GREB1L: variants seen among roughly 807,000 people sequenced by gnomAD.
GREB1L encodes GREB1-like protein.
A neutral mutation model predicts 200.8 loss-of-function variants in GREB1L; 17 were observed. The observed-to-expected ratio is 0.08, with a 90% CI of 0.06 to 0.13. The LOEUF is 0.13. Ranked by LOEUF, GREB1L falls within the 10% of genes least tolerant of loss-of-function variation. The probability of loss-of-function intolerance (pLI) is 1.00; values close to 1 mark genes in which losing one functional copy is unlikely to be tolerated. For synonymous variants in GREB1L, 789 were observed against 893.0 expected (o/e 0.88, Z 2.08); for missense variants, 1,657 against 2,367.7 (o/e 0.70, Z 6.23).
chr18:21,485,970 T>C (rs1181665851), intron 18 of GREB1L, among the ~76,000 whole-genome samples: 1 of 152,166 alleles, frequency 6.6e-6, no homozygotes, highest in African/African-American at 2.4e-5. Context: ...AAGTGGGCCA[T>C]TGCACTACTT....
At chr18:21,461,104 A>G (rs533226306) in intron 15 of GREB1L, among the ~76,000 whole-genome samples, 2 of 150,956 alleles carry the variant, frequency 1.3e-5, no homozygotes, top group South Asian at 2.1e-4. Context: ...CTCAAAAAAA[A>G]AAAAAGAAAA....
chr18:21,471,095 A>C (rs943347494), intron 15 of GREB1L, among the ~76,000 whole-genome samples: 5 of 152,216 alleles, frequency 3.3e-5, no homozygotes, highest in Middle Eastern at 3.2e-3. Flanking sequence ...TTGTTTTTCC[A>C]GTAAGGGAAT....
chr18:21,343,891 T>G (rs2039304745), intron 1 of GREB1L, among the ~76,000 whole-genome samples: 1 of 152,004 alleles, frequency 6.6e-6, no homozygotes, highest in South Asian at 2.1e-4. Flanking sequence ...ATGTCCCACC[T>G]CAGCTTCCCG....
At chr18:21,426,499 C>A (rs548478596) in intron 7 of GREB1L, among the ~76,000 whole-genome samples, 1 of 152,306 alleles carries the variant, frequency 6.6e-6, no homozygotes, top group South Asian at 2.1e-4. Context: ...TGTCAAATTT[C>A]ATTTGCCCAT....
intron 23 of GREB1L, among the ~76,000 whole-genome samples, chr18:21,505,191 T>C (rs2036963775): frequency 6.6e-6 from 1 of 152,202 alleles, no homozygotes; most frequent in Admixed American, 6.5e-5. Flanking sequence ...AGTTTGTGAA[T>C]TGGGTCTGCA....
intron 2 of GREB1L, among the ~76,000 whole-genome samples, chr18:21,379,802 C>T (rs1251915456): frequency 6.6e-6 from 1 of 152,110 alleles, no homozygotes; most frequent in Non-Finnish European, 1.5e-5. Flanking sequence ...TGTGGTGCTG[C>T]TGAAAAGTAA....
At chr18:21,432,327 A>G (rs1422675111) in intron 7 of GREB1L, among the ~76,000 whole-genome samples, 1 of 152,024 alleles carries the variant, frequency 6.6e-6, no homozygotes, top group Non-Finnish European at 1.5e-5. Flanking sequence ...ATTTTTTGTA[A>G]CTGAATTTAT....
chr18:21,279,777 C>CCA (rs2038237107), intron 1 of GREB1L, among the ~76,000 whole-genome samples: 2 of 152,324 alleles, frequency 1.3e-5, no homozygotes, highest in East Asian at 3.9e-4. Context: ...ATGAGAGTAG[C>CCA]TGGGACTACA....
intron 7 of GREB1L, 58 bp downstream of exon 7, chr18:21,404,052 T>C: frequency 7.1e-7 from 1 of 1,406,886 alleles, no homozygotes; most frequent in Non-Finnish European, 9.8e-7. Context: ...ATGAGACTTT[T>C]TAAAATATAT....
At position 21,326,898 on chromosome 18, in the gene GREB1L, C is replaced by A. The variant is rs73432757; in HGVS notation, c.-119-39129C>A. ...CTCATTTCCCATTTGGCACATGAAGCCTTTTGGTAGATGTCTGCTCTTCTT... is the reference window on the plus strand; with the variant it reads ...CTCATTTCCCATTTGGCACATGAAGACTTTTGGTAGATGTCTGCTCTTCTT... On this transcript the variant is annotated intron_variant, in intron 1 of 32. Transcript: ENST00000424526. Among the ~76,000 whole-genome samples, 1,146 of 152,232 alleles carry A rather than the reference C, an allele frequency of 7.5e-3. 19 individuals are homozygous for A. Among genetic ancestry groups the A allele is most frequent in the African/African-American group, 0.027 (1,105 of 41,524 alleles).
At chr18:21,492,008 A>G (rs1468482555) in intron 19 of GREB1L, among the ~76,000 whole-genome samples, 1 of 152,104 alleles carries the variant, frequency 6.6e-6, no homozygotes, top group Non-Finnish European at 1.5e-5. Flanking sequence ...TAATTCATGG[A>G]GACATGAATT....
At chr18:21,457,843 T>C (rs190574100) in intron 15 of GREB1L, among the ~76,000 whole-genome samples, 1 of 152,268 alleles carries the variant, frequency 6.6e-6, no homozygotes, top group African/African-American at 2.4e-5. Flanking sequence ...AAATCATAGC[T>C]GTTAAAACAG....
At chr18:21,329,056 C>T (rs1456579269) in intron 1 of GREB1L, among the ~76,000 whole-genome samples, 1 of 152,110 alleles carries the variant, frequency 6.6e-6, no homozygotes, top group Non-Finnish European at 1.5e-5. Flanking sequence ...GGCACAGTGG[C>T]TCACACCTTG....
rs568080090 is a variant in GREB1L, at chr18:21,446,113, C to G, written c.1393+1704C>G. On this transcript the variant is annotated intron_variant, in intron 11 of 32. Transcript: ENST00000424526. Reference sequence around the variant, plus strand: ...GATCTCGACTCACTGCAACCACCACCTCCCATGTTCAAGCAATTCTCATGT... The same window carrying G: ...GATCTCGACTCACTGCAACCACCACGTCCCATGTTCAAGCAATTCTCATGT... Among the ~76,000 whole-genome samples, 6 of 152,308 alleles carry G rather than the reference C, an allele frequency of 3.9e-5. No individual in the cohort carries two copies. The South Asian group carries it at 1.2e-3, about 32-fold the overall frequency.
chr18:21,392,108 C>A (rs1167530088), intron 4 of GREB1L, among the ~76,000 whole-genome samples: 2 of 152,232 alleles, frequency 1.3e-5, no homozygotes, highest in Admixed American at 1.3e-4. Context: ...TTGCACCTGG[C>A]CTACTTAGAT....
At chr18:21,515,932 G>A (rs1020024371) in intron 29 of GREB1L, among the ~76,000 whole-genome samples, 2 of 152,104 alleles carry the variant, frequency 1.3e-5, no homozygotes, top group Non-Finnish European at 2.9e-5. Flanking sequence ...GTCAGTGTGT[G>A]GACCCACAAA....
chr18:21,351,870 CAG>C (rs1236739907), intron 1 of GREB1L, among the ~76,000 whole-genome samples: 3 of 151,856 alleles, frequency 2.0e-5, no homozygotes, highest in Admixed American at 6.6e-5. Flanking sequence ...TTTTCTGAGA[CAG>C]AGTCTCAATC....
At chr18:21,451,793 G>A (rs1400556561) in intron 13 of GREB1L, among the ~76,000 whole-genome samples, 1 of 152,112 alleles carries the variant, frequency 6.6e-6, no homozygotes, top group African/African-American at 2.4e-5. Flanking sequence ...ACTGCGCCCA[G>A]CCTGGAACTC....
rs765931617 is a variant in GREB1L, at chr18:21,500,060, C to T, written c.3723C>T (p.Leu1241=). 5.2e-6 allele frequency: 8 copies of T among 1,551,566 alleles called. No homozygotes were observed. The highest frequency in any genetic ancestry group is 2.0e-5 in the Admixed American group (1 of 50,984). The part of the protein sequence containing the change: ...VVILSKAAYS[L]LGSQKSGKLP... ...TCCTATCCAAAGCGGCCTACAGTCT[C>T]CTGGGCTCCCAGAAGAGTGGCAAGC... The change falls in exon 22 of 33, where the codon CTC becomes CTT. Residue 1241 remains leucine (L), a synonymous_variant. Transcript: ENST00000424526.
Sources: allele counts gnomAD v4.1 joint callset (sites outside exome capture counted in the v4.1 genomes callset), GRCh38; gene constraint gnomAD v4.1.1; transcripts MANE v1.5; gene names NCBI Gene and HGNC (gene_info 2026-07-23, HGNC 2026-07-21).